GPC6: variants seen among roughly 807,000 people sequenced by gnomAD.
GPC6 encodes glypican 6.
A neutral mutation model predicts 55.2 loss-of-function variants in GPC6; 14 were observed. That is an observed-to-expected ratio of 0.25 (90% CI 0.17 to 0.40). The LOEUF (loss-of-function observed/expected upper bound fraction) is 0.40, where lower values mean the gene tolerates loss of function less well. GPC6 is among the 10% of genes least tolerant of loss of function. The pLI, the probability that GPC6 is intolerant of heterozygous loss-of-function variation, is 1.00. For missense variants in GPC6, 641 were observed against 708.5 expected, an observed-to-expected ratio of 0.90 and a Z score of 1.08; for synonymous variants, 278 against 259.6, an observed-to-expected ratio of 1.07 and a Z score of -0.68.
At chr13:94,257,476 T>C (rs918387799) in intron 4 of GPC6, among the ~76,000 whole-genome samples, 1 of 152,184 alleles carries the variant, frequency 6.6e-6, no homozygotes, top group Non-Finnish European at 1.5e-5. Flanking sequence ...GGTCAAGAAC[T>C]CGCCCTGGCC....
chr13:93,718,011 T>C (rs529233293), intron 2 of GPC6, among the ~76,000 whole-genome samples: 6 of 152,124 alleles, frequency 3.9e-5, no homozygotes, highest in Admixed American at 2.6e-4. Flanking sequence ...AGTCTATTAC[T>C]AATGGACATT....
chr13:93,564,325 A>C (rs1875975589), intron 2 of GPC6, among the ~76,000 whole-genome samples: 1 of 152,182 alleles, frequency 6.6e-6, no homozygotes, highest in Non-Finnish European at 1.5e-5. Context: ...TTATATATAC[A>C]TGAAGGAGTC....
chr13:93,795,957 C>T (rs1033780856), intron 2 of GPC6, among the ~76,000 whole-genome samples: 2 of 151,724 alleles, frequency 1.3e-5, no homozygotes, highest in African/African-American at 4.8e-5. Context: ...CGCCTGTAGT[C>T]CAGGTCACTT....
At chr13:93,783,247 T>G (rs1885712595) in intron 2 of GPC6, among the ~76,000 whole-genome samples, 1 of 152,200 alleles carries the variant, frequency 6.6e-6, no homozygotes, top group Admixed American at 6.5e-5. Context: ...TGATTCCATG[T>G]CTTTGCTATT....
At chr13:94,047,121 G>T (rs1453127937) in intron 4 of GPC6, among the ~76,000 whole-genome samples, 1 of 152,050 alleles carries the variant, frequency 6.6e-6, no homozygotes, top group Non-Finnish European at 1.5e-5. Context: ...TACCAAACAG[G>T]TCCCCTTTAG....
chr13:94,138,720 T>C (rs1887268528), intron 4 of GPC6, among the ~76,000 whole-genome samples: 1 of 152,144 alleles, frequency 6.6e-6, no homozygotes, highest in African/African-American at 2.4e-5. Context: ...ATTTTTTATT[T>C]TCTGGAAGGG....
At chr13:93,338,530 TA>T (rs779805702) in intron 1 of GPC6, among the ~76,000 whole-genome samples, 28 of 152,192 alleles carry the variant, frequency 1.8e-4, no homozygotes, top group Admixed American at 8.5e-4. Context: ...TTTTAGAATA[TA>T]AAAGTCATTC....
intron 2 of GPC6, among the ~76,000 whole-genome samples, chr13:93,550,233 TG>T (rs1875070236): frequency 6.6e-6 from 1 of 152,196 alleles, no homozygotes; most frequent in African/African-American, 2.4e-5. Context: ...CAAGAATGTC[TG>T]TGGAATATGG....
chr13:93,999,710 T>C (rs1363352404), intron 3 of GPC6, among the ~76,000 whole-genome samples: 3 of 152,178 alleles, frequency 2.0e-5, no homozygotes, highest in African/African-American at 7.2e-5. Context: ...TGATTTCATA[T>C]CTTGGCTATT....
intron 2 of GPC6, among the ~76,000 whole-genome samples, chr13:93,639,920 T>C (rs112434748): frequency 5.9e-5 from 9 of 152,128 alleles, no homozygotes; most frequent in African/African-American, 1.9e-4. Flanking sequence ...TGTCTGTAGC[T>C]TTATCACCAA....
At chr13:94,329,114 A>G (rs1566681386) in intron 6 of GPC6, among the ~76,000 whole-genome samples, 2 of 152,234 alleles carry the variant, frequency 1.3e-5, no homozygotes, top group Non-Finnish European at 2.9e-5. Flanking sequence ...AGAGCTGGTT[A>G]GTATCTTTTA....
At chr13:93,267,066 A>C (rs1877347690) in intron 1 of GPC6, among the ~76,000 whole-genome samples, 1 of 152,196 alleles carries the variant, frequency 6.6e-6, no homozygotes, top group African/African-American at 2.4e-5. Context: ...ATTAAGCAGG[A>C]GTAATGATAG....
chr13:93,707,877 C>T (rs1422733204), intron 2 of GPC6, among the ~76,000 whole-genome samples: 2 of 151,564 alleles, frequency 1.3e-5, no homozygotes, highest in Non-Finnish European at 1.5e-5. Context: ...TTGCCACCTT[C>T]GGCATAATTC....
At chr13:94,244,930 G>A (rs1049943891) in intron 4 of GPC6, among the ~76,000 whole-genome samples, 1 of 151,918 alleles carries the variant, frequency 6.6e-6, no homozygotes, top group Admixed American at 6.6e-5. Flanking sequence ...ACAGCATGAT[G>A]TTACAAGATA....
intron 4 of GPC6, among the ~76,000 whole-genome samples, chr13:94,088,612 A>G (rs1343197572): frequency 3.3e-5 from 5 of 150,394 alleles, no homozygotes; most frequent in African/African-American, 9.8e-5. Context: ...GAGGGGAGGG[A>G]AGGGAATTTA....
At chr13:94,196,721 A>C (rs1408568261) in intron 4 of GPC6, among the ~76,000 whole-genome samples, 3 of 152,204 alleles carry the variant, frequency 2.0e-5, no homozygotes, top group African/African-American at 7.2e-5. Context: ...GCATAACCCC[A>C]TAAGGCGTTT....
At chr13:93,565,876 C>T (rs1051526388) in intron 2 of GPC6, among the ~76,000 whole-genome samples, 17 of 150,242 alleles carry the variant, frequency 1.1e-4, no homozygotes, top group African/African-American at 3.7e-4. Context: ...GAGCTGAGAT[C>T]GCACCACTGC....
intron 1 of GPC6, among the ~76,000 whole-genome samples, chr13:93,475,375 C>A (rs1335722110): frequency 1.3e-5 from 2 of 150,624 alleles, no homozygotes; most frequent in Admixed American, 6.7e-5. Context: ...TTAAAATAAC[C>A]AACTTTCTTG....
chr13:93,901,129 A>G (rs1350366294), intron 3 of GPC6, among the ~76,000 whole-genome samples: 1 of 152,158 alleles, frequency 6.6e-6, no homozygotes, highest in African/African-American at 2.4e-5. Context: ...CAATTGACTA[A>G]ATGTCCAGCA....
Sources: gnomAD v4.1 joint callset for allele counts (sites outside exome capture counted in the v4.1 genomes callset) on GRCh38, gnomAD v4.1.1 for gene constraint, MANE v1.5 for transcripts, NCBI Gene and HGNC (gene_info 2026-07-23, HGNC 2026-07-21) for gene names.